AGAP1: variants seen among roughly 807,000 people sequenced by gnomAD.
AGAP1 encodes the protein ArfGAP with GTPase domain, ankyrin repeat and PH domain 1.
AGAP1 carries 29 observed loss-of-function variants against 105.3 expected under a neutral mutation model. The observed-to-expected ratio is 0.28, with a 90% CI of 0.21 to 0.38. The LOEUF (loss-of-function observed/expected upper bound fraction) is 0.38, where lower values mean the gene tolerates loss of function less well. Ranked by LOEUF, AGAP1 falls within the 10% of genes least tolerant of loss-of-function variation. AGAP1 has a pLI of 1.00. For synonymous variants in AGAP1, 509 were observed against 485.9 expected (o/e 1.05, Z -0.63); for missense variants, 998 against 1,165.1 (o/e 0.86, Z 2.09).
chr2:235,890,423 A>C (rs893397482), intron 10 of AGAP1, among the ~76,000 whole-genome samples: 7 of 152,174 alleles, frequency 4.6e-5, no homozygotes, highest in Non-Finnish European at 1.0e-4. Context: ...AAGTGCTGGG[A>C]TTATAGGCAT....
rs6431385 is a variant in AGAP1 at position 235,577,942 on chromosome 2, C to G, written c.163+83093C>G. Among the ~76,000 whole-genome samples the G allele has an allele frequency of 0.67, 101,962 of 151,928 alleles. 36,206 individuals are homozygous for G. The highest frequency in any genetic ancestry group is 0.92 in the African/African-American group (38,140 of 41,458). ...TGTTTGTTGAGGCTCCTGATGCAGA[C>G]AAGGGAGCAGTGTCTGCACAGGGGG... On this transcript the variant is annotated intron_variant, in intron 1 of 17. Coordinates refer to ENST00000304032, the MANE Select transcript of AGAP1 (RefSeq NM_001037131.3). The surrounding 1 kb of genome is among the most constrained non-coding windows in gnomAD (Gnocchi z 4.5).
At chr2:235,852,800 C>T in intron 9 of AGAP1, 1 of 1,530,708 alleles carries the variant, frequency 6.5e-7, no homozygotes, top group Non-Finnish European at 8.8e-7. Context: ...GACCAGCCCG[C>T]ATTGTGCTGA....
intron 13 of AGAP1, among the ~76,000 whole-genome samples, chr2:236,008,323 G>A (rs969546697): frequency 2.6e-5 from 4 of 152,188 alleles, no homozygotes; most frequent in African/African-American, 9.7e-5. Context: ...TCCCTGACAA[G>A]CCATCCTCCA....
rs757976646 is a variant in AGAP1 at position 235,550,275 on chromosome 2, G to A, written c.163+55426G>A. The stretch of plus-strand genomic sequence containing the variant: ...CAGCCCTGACTGGCGAGGAGGGCAC[G>A]TCCCCACGTTCATGCCCTGTACTAG... On this transcript the variant is annotated intron_variant, in intron 1 of 17. Transcript: ENST00000304032. The surrounding 1 kb of genome is among the most constrained non-coding windows in gnomAD (Gnocchi z 4.6). 7.9e-5 allele frequency among the ~76,000 whole-genome samples: 12 copies of A among 152,164 alleles called. No individual in the cohort carries two copies. The highest frequency in any genetic ancestry group is 5.8e-4 in the East Asian group (3 of 5,172).
chr2:235,733,234 T>A lies in AGAP1; in HGVS notation c.311-7729T>A, dbSNP rs891772391. Among the ~76,000 whole-genome samples, 1 of 152,208 alleles carries A rather than the reference T, an allele frequency of 6.6e-6. No individual in the cohort carries two copies. The highest frequency in any genetic ancestry group is 2.4e-5 in the African/African-American group (1 of 41,470). On this transcript the variant is annotated intron_variant, in intron 3 of 17. Transcript: ENST00000304032. This position sits in a 1 kb window ranked among gnomAD's most constrained non-coding sequence, Gnocchi z 5.0. Reference sequence around the variant, plus strand: ...TCACCAGGCAACACGGGCATCTTCTTTGCCTCCGGAGAGCCTTTGCCGGCC... The same window carrying A: ...TCACCAGGCAACACGGGCATCTTCTATGCCTCCGGAGAGCCTTTGCCGGCC...
In AGAP1 at chr2:235,541,376, C is replaced by CTTT. The variant is rs556785424; in HGVS notation, c.163+46554_163+46556dup. ...ATTATTTCCTTTTTCCATTCTTATTCTTTTTTTTTTTTTTTTTTTTTTTTT... is the reference window on the plus strand; with the variant it reads ...ATTATTTCCTTTTTCCATTCTTATTCTTTTTTTTTTTTTTTTTTTTTTTTTTTT... On this transcript the variant is annotated intron_variant, in intron 1 of 17. Transcript: ENST00000304032. Among the ~76,000 whole-genome samples the CTTT allele has an allele frequency of 8.2e-4, 75 of 91,088 alleles. 2 individuals carry two copies. The highest frequency in any genetic ancestry group is 3.5e-3 in the East Asian group (11 of 3,166). 59.8% of individuals were successfully genotyped at this position (91,088 alleles called of 152,430 possible).
Position 235,559,741 on chromosome 2 carries a change from C to CT in AGAP1, c.163+64903dup, listed in dbSNP as rs879840458. Among the ~76,000 whole-genome samples the CT allele has an allele frequency of 8.5e-3, 1,233 of 145,254 alleles. 9 individuals carry two copies. The highest frequency in any genetic ancestry group is 7.3e-3 in the Non-Finnish European group (481 of 65,762). Reference sequence around the variant, plus strand: ...TTCCCTGGTGACTAATGGTGTTGACCTTTTTTTTTTTAAATATGCTTATCT... The same window carrying CT: ...TTCCCTGGTGACTAATGGTGTTGACCTTTTTTTTTTTTAAATATGCTTATCT... On this transcript the variant is annotated intron_variant, in intron 1 of 17. Coordinates refer to ENST00000304032, the MANE Select transcript of AGAP1 (RefSeq NM_001037131.3). The surrounding 1 kb of genome is among the most constrained non-coding windows in gnomAD (Gnocchi z 5.7).
chr2:235,547,964 A>G (rs1943681665), intron 1 of AGAP1, among the ~76,000 whole-genome samples: 1 of 152,238 alleles, frequency 6.6e-6, no homozygotes, highest in South Asian at 2.1e-4. Flanking sequence ...TGTTTAGCAC[A>G]CGGTTCCTGA....
chr2:235,998,964 T>C (rs2055944559), intron 13 of AGAP1, among the ~76,000 whole-genome samples: 1 of 150,118 alleles, frequency 6.7e-6, no homozygotes, highest in Non-Finnish European at 1.5e-5. Flanking sequence ...TGAGAGGTTA[T>C]AGGGCTGGTG....
At chr2:235,499,126 G>A (rs1409260358) in intron 1 of AGAP1, among the ~76,000 whole-genome samples, 3 of 152,178 alleles carry the variant, frequency 2.0e-5, no homozygotes, top group Admixed American at 6.5e-5. Flanking sequence ...GTGCGAGAGC[G>A]GTGAGCTGGG....
rs972466319 is a variant in AGAP1, at chr2:235,824,578, A to G, written c.1050+17247A>G. Among the ~76,000 whole-genome samples the G allele has an allele frequency of 2.0e-5, 3 of 152,220 alleles. No individual in the cohort carries two copies. The highest frequency in any genetic ancestry group is 4.8e-5 in the African/African-American group (2 of 41,460). On this transcript the variant is annotated intron_variant, in intron 9 of 17. Transcript: ENST00000304032. This position sits in a 1 kb window ranked among gnomAD's most constrained non-coding sequence, Gnocchi z 5.2. ...AGATACAATTTTGTGCTAAGAGGCA[A>G]TGTAGAAATTAGTTCCCGAATTACT...
At position 235,517,702 on chromosome 2, in the gene AGAP1, C is replaced by T. The variant is rs932703068; in HGVS notation, c.163+22853C>T. Among the ~76,000 whole-genome samples, 6 of 152,150 alleles carry T rather than the reference C, an allele frequency of 3.9e-5. No homozygotes were observed. The highest frequency in any genetic ancestry group is 1.9e-4 in the East Asian group (1 of 5,176). ...CTGTAATCCCAGCACTCTGGGAGGC[C>T]GAGGCAGACAGATCACTTGAGGTCA... On this transcript the variant is annotated intron_variant, in intron 1 of 17. Coordinates refer to ENST00000304032, the MANE Select transcript of AGAP1 (RefSeq NM_001037131.3). This position sits in a 1 kb window ranked among gnomAD's most constrained non-coding sequence, Gnocchi z 4.1.
intron 16 of AGAP1, among the ~76,000 whole-genome samples, chr2:236,054,830 A>C (rs1025464912): frequency 1.2e-4 from 18 of 152,308 alleles, no homozygotes; most frequent in African/African-American, 4.1e-4. Context: ...ATCACCGAGC[A>C]TGGCGGATTG....
At position 235,723,015 on chromosome 2, in the gene AGAP1, C is replaced by T. The variant is rs1271017311; in HGVS notation, c.310+5371C>T. The stretch of plus-strand genomic sequence containing the variant: ...TAGAGAAGCTTGGTTTAGACGGTCG[C>T]TGCACTTAGAACTGTTGGAGTTGGC... On this transcript the variant is annotated intron_variant, in intron 3 of 17. Coordinates refer to ENST00000304032, the MANE Select transcript of AGAP1 (RefSeq NM_001037131.3). The surrounding 1 kb of genome is among the most constrained non-coding windows in gnomAD (Gnocchi z 6.2). 6.6e-6 allele frequency among the ~76,000 whole-genome samples: 1 copy of T among 152,162 alleles called. No homozygotes were observed. Among genetic ancestry groups the T allele is most frequent in the Admixed American group, 6.5e-5 (1 of 15,276 alleles).
At chr2:235,820,827 T>C (rs1019701590) in intron 9 of AGAP1, among the ~76,000 whole-genome samples, 10 of 152,186 alleles carry the variant, frequency 6.6e-5, no homozygotes, top group African/African-American at 1.9e-4. Flanking sequence ...ATCTAAAGTA[T>C]TGGAGATTTA....
intron 6 of AGAP1, among the ~76,000 whole-genome samples, chr2:235,795,312 G>A (rs373098870): frequency 1.3e-5 from 2 of 152,268 alleles, no homozygotes; most frequent in South Asian, 2.1e-4. Flanking sequence ...ATTCCACCCC[G>A]TCCCTGGGAC....
At chr2:236,093,915 T>C (rs1216386877) in intron 16 of AGAP1, among the ~76,000 whole-genome samples, 1 of 152,144 alleles carries the variant, frequency 6.6e-6, no homozygotes, top group Non-Finnish European at 1.5e-5. Context: ...GAGAAACATA[T>C]AAAAACACAA....
In AGAP1 at chr2:235,889,007, C is replaced by G. The variant is rs1273625904; in HGVS notation, c.1155+5558C>G. On this transcript the variant is annotated intron_variant, in intron 10 of 17. Transcript: ENST00000304032. The surrounding 1 kb of genome is among the most constrained non-coding windows in gnomAD (Gnocchi z 4.6). ...TAGGAAAAGATCTCCCTGAAGAGGTCATTTCTGTTCCTGAGGTATCTGAAC... is the reference window on the plus strand; with the variant it reads ...TAGGAAAAGATCTCCCTGAAGAGGTGATTTCTGTTCCTGAGGTATCTGAAC... Among the ~76,000 whole-genome samples the G allele has an allele frequency of 6.6e-6, 1 of 152,156 alleles. No homozygotes were observed. The highest frequency in any genetic ancestry group is 6.5e-5 in the Admixed American group (1 of 15,274).
chr2:235,587,091 T>C (rs1314617551), intron 1 of AGAP1, among the ~76,000 whole-genome samples: 1 of 152,172 alleles, frequency 6.6e-6, no homozygotes, highest in Non-Finnish European at 1.5e-5. Context: ...AATTGAATAG[T>C]TTTTGAGCCA....
Sources: allele counts gnomAD v4.1 joint callset (sites outside exome capture counted in the v4.1 genomes callset), GRCh38; gene constraint gnomAD v4.1.1; non-coding constraint Gnocchi (gnomAD v3.1); transcripts MANE v1.5; gene names NCBI Gene and HGNC (gene_info 2026-07-23, HGNC 2026-07-21).